LGI2: variants seen among roughly 807,000 people sequenced by gnomAD.
LGI2 encodes leucine rich repeat LGI family member 2.
In LGI2, 30 loss-of-function variants were observed where a neutral mutation model predicts 52.0. That is an observed-to-expected ratio of 0.58 (90% CI 0.43 to 0.78). LGI2 has a LOEUF of 0.78. Ranked by LOEUF, LGI2 falls within the 30% of genes least tolerant of loss-of-function variation. The pLI is 0.00. For missense variants in LGI2, 573 were observed against 692.5 expected (o/e 0.83, Z 1.94); for synonymous variants, 270 against 271.8 (o/e 0.99, Z 0.06).
chr4:25,019,244 A>G lies in LGI2; in HGVS notation c.414-6T>C. 6.3e-7 allele frequency: 1 copy of G among 1,594,764 alleles called. No homozygotes were observed. Among genetic ancestry groups the G allele is most frequent in the Non-Finnish European group, 8.6e-7 (1 of 1,165,210 alleles). On this transcript the variant is annotated splice_polypyrimidine_tract_variant and splice_region_variant and intron_variant, in intron 4 of 7. Transcript: ENST00000382114. ...TGTGGTTATTGGCCAAAGAACTAGA[A>G]CAAGAAAGTCACATTGCAATGTGAT...
intron 2 of LGI2, 65 bp from the exon 3 acceptor site, chr4:25,027,004 C>G (rs1165759269): frequency 4.1e-5 from 51 of 1,240,406 alleles, no homozygotes; most frequent in Non-Finnish European, 5.8e-5. Flanking sequence ...AAAGCCATTT[C>G]TCTTTCCTTT....
downstream of LGI2, among the ~76,000 whole-genome samples, chr4:24,997,615 G>A (rs1725116572): frequency 6.6e-6 from 1 of 152,154 alleles, no homozygotes; most frequent in African/African-American, 2.4e-5. Context: ...AATGCCTTGG[G>A]TCCAGGTGGA....
chr4:25,023,666 C>T lies in LGI2; in HGVS notation c.413+1154G>A, dbSNP rs534291228. Reference sequence around the variant, plus strand: ...GTACTACCATCCCTGCCCAACACTTCCAGTCAAAACCCTCCAATTTTCCCA... The same window carrying T: ...GTACTACCATCCCTGCCCAACACTTTCAGTCAAAACCCTCCAATTTTCCCA... On this transcript the variant is annotated intron_variant, in intron 4 of 7. Coordinates refer to ENST00000382114, the MANE Select transcript of LGI2 (RefSeq NM_018176.4). Among the ~76,000 whole-genome samples the T allele has an allele frequency of 2.2e-3, 342 of 152,306 alleles. 4 individuals are homozygous for T. Among genetic ancestry groups the T allele is most frequent in the African/African-American group, 7.9e-3 (329 of 41,564 alleles).
chr4:25,007,578 AGTGTGTGTGT>A lies in LGI2; in HGVS notation c.821-3320_821-3311del, dbSNP rs3066687. Among the ~76,000 whole-genome samples the A allele has an allele frequency of 3.9e-3, 549 of 142,332 alleles. 1 individual carries two copies. Among genetic ancestry groups the A allele is most frequent in the African/African-American group, 6.8e-3 (261 of 38,464 alleles). 93.4% of individuals were successfully genotyped at this position (142,332 alleles called of 152,430 possible). On this transcript the variant is annotated intron_variant, in intron 7 of 7. Transcript: ENST00000382114. ...TGGAGTTGTCAGTAGCAGACAGATC[AGTGTGTGTGT>A]GTGTGTGTGTGTGTGTGTGTGTGTG...
intron 3 of LGI2, 29 bp from the exon 4 acceptor site, chr4:25,024,920 GA>G: frequency 2.0e-6 from 3 of 1,476,668 alleles, no homozygotes; most frequent in Non-Finnish European, 2.8e-6. Flanking sequence ...TAATTAAAAT[GA>G]ATTTTCTCTC....
downstream of LGI2, among the ~76,000 whole-genome samples, chr4:24,994,750 C>T (rs1725010665): frequency 6.6e-6 from 1 of 152,150 alleles, no homozygotes; most frequent in Non-Finnish European, 1.5e-5. Context: ...ATATTCCCTA[C>T]TTCTCAAGGG....
chr4:25,012,450 C>A lies in LGI2; in HGVS notation c.705G>T (p.Thr235=). Residue 235 remains threonine, a synonymous_variant, in exon 7 of 8, where the codon ACG becomes ACT. Transcript: ENST00000382114. ...TLPYQSVSVD[T]FNSKNDVYVA... is the part of the protein sequence containing the mutation. ...CGTACACATCGTTCTTGGAGTTGAA[C>A]GTATCCACTGAAACCGACTGGTAGG... The A allele has an allele frequency of 6.2e-7, 1 of 1,614,180 alleles. No homozygotes were observed. The highest frequency in any genetic ancestry group is 1.1e-5 in the South Asian group (1 of 91,080).
At position 25,001,902 on chromosome 4, in the gene LGI2, A is replaced by T. The variant is rs559661155; in HGVS notation, c.*1549T>A. The stretch of plus-strand genomic sequence containing the variant: ...AATAGTCATTTTACAATAACAATAC[A>T]GTACAATATGATCGTGCTACTTTCA... On this transcript the variant is annotated 3_prime_UTR_variant, in exon 8 of 8. Coordinates refer to ENST00000382114, the MANE Select transcript of LGI2 (RefSeq NM_018176.4). 5 of 152,360 alleles carry T rather than the reference A, an allele frequency of 3.3e-5. No individual in the cohort carries two copies. In the South Asian group the frequency reaches 1.0e-3, roughly 32 times the overall value. 9.4% of individuals were successfully genotyped at this position (152,360 alleles called of 1,614,324 possible).
chr4:25,028,859 T>C (rs1726238665), intron 1 of LGI2, among the ~76,000 whole-genome samples: 1 of 152,212 alleles, frequency 6.6e-6, no homozygotes, highest in South Asian at 2.1e-4. Context: ...ATCCCTTCAC[T>C]TCCTTTTCTT....
At position 25,009,470 on chromosome 4, in the gene LGI2, C is replaced by G. The variant is rs115149319; in HGVS notation, c.820+2865G>C. 9.1e-3 allele frequency among the ~76,000 whole-genome samples: 1,387 copies of G among 152,264 alleles called. 22 individuals are homozygous for G. The highest frequency in any genetic ancestry group is 0.032 in the African/African-American group (1,324 of 41,552). Reference sequence around the variant, plus strand: ...TCAAATCTTCCCACACACAGTACTCCACATCTTCCTTCTTCACTTTATTTC... The same window carrying G: ...TCAAATCTTCCCACACACAGTACTCGACATCTTCCTTCTTCACTTTATTTC... On this transcript the variant is annotated intron_variant, in intron 7 of 7. Coordinates refer to ENST00000382114, the MANE Select transcript of LGI2 (RefSeq NM_018176.4).
chr4:25,010,692 G>A (rs1725552409), intron 7 of LGI2, among the ~76,000 whole-genome samples: 1 of 152,196 alleles, frequency 6.6e-6, no homozygotes. Flanking sequence ...CCTATGGGCA[G>A]GTGTAACTCC....
rs1238863616 is a variant in LGI2 at position 25,001,761 on chromosome 4, A to G, written c.*1690T>C. On this transcript the variant is annotated 3_prime_UTR_variant, in exon 8 of 8. Transcript: ENST00000382114. The stretch of plus-strand genomic sequence containing the variant: ...ATGTACCCAAGAGTGCTGATGTAAC[A>G]TCAATGCTTCATTCTCTGAGTGCTA... 6.6e-6 allele frequency: 1 copy of G among 152,190 alleles called. No homozygotes were observed. The highest frequency in any genetic ancestry group is 1.9e-4 in the East Asian group (1 of 5,188). 9.4% of individuals were successfully genotyped at this position (152,190 alleles called of 1,614,324 possible). A position where few individuals can be genotyped will look rare whatever the true frequency, so the allele number is the denominator to read the frequency against.
At chr4:25,006,525 C>T (rs1725397270) in intron 7 of LGI2, among the ~76,000 whole-genome samples, 1 of 152,152 alleles carries the variant, frequency 6.6e-6, no homozygotes, top group South Asian at 2.1e-4. Flanking sequence ...TTCTGGTCTT[C>T]CTGCAAGGAC....
At chr4:25,013,839 G>T (rs938228510) in intron 6 of LGI2, among the ~76,000 whole-genome samples, 3 of 152,084 alleles carry the variant, frequency 2.0e-5, no homozygotes, top group Non-Finnish European at 4.4e-5. Flanking sequence ...ATAGTTGCTT[G>T]GTCAAAGATA....
intron 6 of LGI2, among the ~76,000 whole-genome samples, chr4:25,017,223 C>T (rs949225546): frequency 6.6e-5 from 10 of 152,134 alleles, no homozygotes; most frequent in African/African-American, 2.4e-4. Flanking sequence ...TTACATGGGA[C>T]TCTGAAAGTC....
Position 25,003,426 on chromosome 4 carries a change from T to C in LGI2, c.*25A>G. On this transcript the variant is annotated 3_prime_UTR_variant, in exon 8 of 8. Transcript: ENST00000382114. ...CTTTTGTGAGAGCTAATGCTACATT[T>C]CTCTTAGTTTCACCCACCACACCTT... The C allele has an allele frequency of 6.8e-7, 1 of 1,476,188 alleles. No individual in the cohort carries two copies. Among genetic ancestry groups the C allele is most frequent in the South Asian group, 1.3e-5 (1 of 74,604 alleles). 91.4% of individuals were successfully genotyped at this position (1,476,188 alleles called of 1,614,324 possible). A position where few individuals can be genotyped will look rare whatever the true frequency, so the allele number is the denominator to read the frequency against.
intron 7 of LGI2, among the ~76,000 whole-genome samples, chr4:25,005,839 GC>G (rs1346660703): frequency 6.6e-6 from 1 of 152,144 alleles, no homozygotes; most frequent in African/African-American, 2.4e-5. Context: ...TCAAAGCCCA[GC>G]CCCGCACCTT....
rs1272455747 is a variant in LGI2, at chr4:25,019,254, C to T, written c.414-16G>A. 4.5e-6 allele frequency: 7 copies of T among 1,566,994 alleles called. No individual in the cohort carries two copies. The highest frequency in any genetic ancestry group is 6.1e-6 in the Non-Finnish European group (7 of 1,140,668). On this transcript the variant is annotated splice_polypyrimidine_tract_variant and intron_variant, in intron 4 of 7. Coordinates refer to ENST00000382114, the MANE Select transcript of LGI2 (RefSeq NM_018176.4). ...GGCCAAAGAACTAGAACAAGAAAGTCACATTGCAATGTGATTATTATCTCA... is the reference window on the plus strand; with the variant it reads ...GGCCAAAGAACTAGAACAAGAAAGTTACATTGCAATGTGATTATTATCTCA...
In LGI2 at chr4:25,003,237, T is replaced by G. The variant is rs1010719097; in HGVS notation, c.*214A>C. Reference sequence around the variant, plus strand: ...TCAGAAATTACAGGCTTTAAGATTTTTTTTTAAATGGTAGAATGGGCATGT... The same window carrying G: ...TCAGAAATTACAGGCTTTAAGATTTGTTTTTAAATGGTAGAATGGGCATGT... On this transcript the variant is annotated 3_prime_UTR_variant, in exon 8 of 8. Coordinates refer to ENST00000382114, the MANE Select transcript of LGI2 (RefSeq NM_018176.4). 6.5e-6 allele frequency: 3 copies of G among 464,594 alleles called. No homozygotes were observed. The highest frequency in any genetic ancestry group is 4.1e-5 in the African/African-American group (2 of 49,372). 28.8% of individuals were successfully genotyped at this position (464,594 alleles called of 1,614,324 possible). A position where few individuals can be genotyped will look rare whatever the true frequency, so the allele number is the denominator to read the frequency against.
Sources: gnomAD v4.1 joint callset for allele counts (sites outside exome capture counted in the v4.1 genomes callset) on GRCh38, gnomAD v4.1.1 for gene constraint, MANE v1.5 for transcripts, NCBI Gene and HGNC (gene_info 2026-07-23, HGNC 2026-07-21) for gene names.